The following NTRK2 variants were observed in gnomAD, a reference collection of about 807,000 sequenced individuals.
The protein encoded by NTRK2 is neurotrophic receptor tyrosine kinase 2, also known as BDNF/NT-3 growth factors receptor.
Under a neutral mutation model 94.5 loss-of-function variants are expected in NTRK2, and 13 were observed. The observed-to-expected ratio is 0.14, with a 90% confidence interval of 0.09 to 0.22. The LOEUF is 0.22. Among genes scored for constraint, NTRK2 ranks in the 10% least tolerant of loss-of-function variants. The pLI is 1.00. For missense variants in NTRK2, 639 were observed against 1,071.2 expected, an observed-to-expected ratio of 0.60 and a Z score of 5.63; for synonymous variants, 372 against 407.4, an observed-to-expected ratio of 0.91 and a Z score of 1.05.
chr9:84,919,971 T>C (rs1203322878), intron 14 of NTRK2, among the ~76,000 whole-genome samples: 3 of 152,182 alleles, frequency 2.0e-5, no homozygotes, highest in Non-Finnish European at 2.9e-5. Flanking sequence ...ATGGCCACAA[T>C]TGAACTGAAG....
intron 15 of NTRK2, among the ~76,000 whole-genome samples, chr9:84,943,889 T>C (rs2078498139): frequency 1.3e-5 from 2 of 152,172 alleles, no homozygotes; most frequent in Admixed American, 1.3e-4. Flanking sequence ...ATTCAGAAGA[T>C]GATTTTGCCC....
chr9:84,996,081 T>C (rs562134885), intron 17 of NTRK2, among the ~76,000 whole-genome samples: 18 of 152,350 alleles, frequency 1.2e-4, no homozygotes, highest in Middle Eastern at 3.4e-3. Flanking sequence ...TGTGAAGTGA[T>C]CATCATACTC....
At chr9:84,921,047 G>A (rs747839157) in intron 14 of NTRK2, among the ~76,000 whole-genome samples, 10 of 152,166 alleles carry the variant, frequency 6.6e-5, no homozygotes, top group Admixed American at 1.3e-4. Flanking sequence ...CCCAGAGTAA[G>A]TAGTTCCCTG....
chr9:84,933,598 A>G (rs2078113708), intron 14 of NTRK2, among the ~76,000 whole-genome samples: 1 of 152,236 alleles, frequency 6.6e-6, no homozygotes, highest in African/African-American at 2.4e-5. Context: ...GATCCAAACA[A>G]AGGAAGTCAG....
At chr9:84,835,313 A>G (rs950356124) in intron 12 of NTRK2, among the ~76,000 whole-genome samples, 4 of 152,114 alleles carry the variant, frequency 2.6e-5, no homozygotes, top group African/African-American at 9.7e-5. Flanking sequence ...CAGTAGATGT[A>G]TCCAGTGCCC....
intron 12 of NTRK2, among the ~76,000 whole-genome samples, chr9:84,798,251 C>G (rs1469059814): frequency 6.6e-6 from 1 of 151,990 alleles, no homozygotes; most frequent in Non-Finnish European, 1.5e-5. Flanking sequence ...GAGGGCTCCA[C>G]CCTCATGACC....
At chr9:84,881,354 A>C (rs868566420) in intron 14 of NTRK2, among the ~76,000 whole-genome samples, 1 of 152,218 alleles carries the variant, frequency 6.6e-6, no homozygotes, top group Non-Finnish European at 1.5e-5. Flanking sequence ...TCTCTGTTGG[A>C]TGATGAACGT....
chr9:84,674,974 C>T (rs1009338413), intron 2 of NTRK2, among the ~76,000 whole-genome samples: 1 of 152,068 alleles, frequency 6.6e-6, no homozygotes, highest in Non-Finnish European at 1.5e-5. Context: ...ATTCAGAATG[C>T]TGGAGTTAAG....
chr9:84,702,249 C>A lies in NTRK2; in HGVS notation c.287+16C>A. 6.2e-7 allele frequency: 1 copy of A among 1,613,530 alleles called. No individual in the cohort carries two copies. The highest frequency in any genetic ancestry group is 8.5e-7 in the Non-Finnish European group (1 of 1,179,446). ...TGAGAAATCTGTGAGTACTCAGGAC[C>A]AGGGCACATTATCTCAGAGAATTTT... On this transcript the variant is annotated intron_variant, in intron 3 of 18. Coordinates refer to ENST00000277120, the MANE Select transcript of NTRK2 (RefSeq NM_006180.6).
chr9:84,777,733 G>T (rs949435675), intron 12 of NTRK2, among the ~76,000 whole-genome samples: 5 of 152,154 alleles, frequency 3.3e-5, no homozygotes, highest in Middle Eastern at 3.2e-3. Context: ...AGACAAAGAA[G>T]TACGAGCTGT....
At chr9:84,960,902 G>C (rs1232620978) in intron 17 of NTRK2, among the ~76,000 whole-genome samples, 2 of 152,070 alleles carry the variant, frequency 1.3e-5, no homozygotes, top group African/African-American at 4.8e-5. Flanking sequence ...CATGATTGTT[G>C]AACAGGACTC....
intron 2 of NTRK2, among the ~76,000 whole-genome samples, chr9:84,698,122 A>G (rs2060498878): frequency 2.0e-5 from 3 of 152,024 alleles, no homozygotes; most frequent in Admixed American, 2.0e-4. Context: ...TGGTATAAAT[A>G]GTTTCTGTGT....
rs201900630 is a variant in NTRK2 at position 84,814,856 on chromosome 9, A to G, written c.1397-46184A>G. 168 of 1,063,412 alleles carry G rather than the reference A, an allele frequency of 1.6e-4. No homozygotes were observed. In the African/African-American group the frequency reaches 2.4e-3, roughly 15 times the overall value. The allele number at this position is 1,063,412 out of a possible 1,614,324, so 65.9% of individuals were successfully genotyped here. ...GTCCCCAGAGCCCTTGGAGTTGCGC[A>G]GCTTAGCTGACTTGACTCCAAGGAA... On this transcript the variant is annotated intron_variant, in intron 12 of 18. Transcript: ENST00000277120.
intron 5 of NTRK2, among the ~76,000 whole-genome samples, chr9:84,709,961 C>G (rs1778935): frequency 0.4 from 46,463 of 114,930 alleles, 7,928 homozygotes; most frequent in East Asian, 0.56. Flanking sequence ...ATAGCTTGCT[C>G]TGTGTGTGTG....
Position 85,018,959 on chromosome 9 carries a change from C to T in NTRK2, c.2173-1247C>T, listed in dbSNP as rs151099897. The stretch of plus-strand genomic sequence containing the variant: ...GCCAGAAGTTTTTGTCCCTATTTGT[C>T]AAATTTGGATGCATCATACAGAGAA... On this transcript the variant is annotated intron_variant, in intron 17 of 18. Coordinates refer to ENST00000277120, the MANE Select transcript of NTRK2 (RefSeq NM_006180.6). Among the ~76,000 whole-genome samples the T allele has an allele frequency of 4.8e-3, 728 of 152,206 alleles. 10 individuals are homozygous for T. Among genetic ancestry groups the T allele is most frequent in the African/African-American group, 0.017 (700 of 41,516 alleles).
At chr9:84,717,988 CCTCCTT>C (rs528889052) in intron 6 of NTRK2, among the ~76,000 whole-genome samples, 2,880 of 151,932 alleles carry the variant, frequency 0.019, 38 homozygotes, top group Non-Finnish European at 0.025. Context: ...TCTTACAGAG[CCTCCTT>C]CTCCTTCTCC....
At chr9:84,737,865 C>T (rs747227385) in intron 9 of NTRK2, among the ~76,000 whole-genome samples, 9 of 151,378 alleles carry the variant, frequency 5.9e-5, no homozygotes, top group Non-Finnish European at 8.8e-5. Flanking sequence ...TACTCACTTT[C>T]GGTAATTCTT....
At chr9:84,892,279 C>T (rs1456050339) in intron 14 of NTRK2, among the ~76,000 whole-genome samples, 1 of 152,158 alleles carries the variant, frequency 6.6e-6, no homozygotes, top group Admixed American at 6.5e-5. Context: ...AGGCAAAGTA[C>T]AGAAAATATG....
intron 5 of NTRK2, among the ~76,000 whole-genome samples, chr9:84,708,458 A>T (rs2061242067): frequency 1.3e-5 from 2 of 151,956 alleles, no homozygotes; most frequent in African/African-American, 4.8e-5. Context: ...TTTAAGTCCC[A>T]TTTTCTTCTG....
Sources: gnomAD v4.1 joint callset for allele counts (sites outside exome capture counted in the v4.1 genomes callset) on GRCh38, gnomAD v4.1.1 for gene constraint, MANE v1.5 for transcripts, NCBI Gene and HGNC (gene_info 2026-07-23, HGNC 2026-07-21) for gene names.